ARHGEF19: variants seen among roughly 807,000 people sequenced by gnomAD.
ARHGEF19 encodes the protein Rho guanine nucleotide exchange factor (GEF) 19.
In ARHGEF19, 92 loss-of-function variants were observed where a neutral mutation model predicts 87.6. That is an observed-to-expected ratio of 1.05 (90% CI 0.89 to 1.25). The LOEUF is 1.25. ARHGEF19 is among the 50% of genes most tolerant of loss of function. The pLI is 0.00. For missense variants in ARHGEF19, 1,054 were observed against 1,051.8 expected (o/e 1.00, Z -0.03); for synonymous variants, 438 against 446.2 (o/e 0.98, Z 0.23).
Position 16,206,785 on chromosome 1 carries a change from G to A in ARHGEF19, c.1137+163C>T, listed in dbSNP as rs1267379967. Reference sequence around the variant, plus strand: ...CGGCTTGCTGTCCTCGCTTCCAGACGGCCTCGTGTAGTCAGGTCCTAGAGC... The same window carrying A: ...CGGCTTGCTGTCCTCGCTTCCAGACAGCCTCGTGTAGTCAGGTCCTAGAGC... On this transcript the variant is annotated intron_variant, in intron 6 of 15. Transcript: ENST00000270747. This position sits in a 1 kb window ranked among gnomAD's most constrained non-coding sequence, Gnocchi z 4.6. Among the ~76,000 whole-genome samples, 1 of 151,810 alleles carries A rather than the reference G, an allele frequency of 6.6e-6. No individual in the cohort carries two copies. The highest frequency in any genetic ancestry group is 2.4e-5 in the African/African-American group (1 of 41,286).
intron 14 of ARHGEF19, 69 bp from the exon 15 acceptor site, chr1:16,199,323 A>T: frequency 5.7e-5 from 66 of 1,161,702 alleles, no homozygotes; most frequent in Non-Finnish European, 7.6e-5. Context: ...TGGGTAGGGC[A>T]GGGAGGGGCA....
intron 1 of ARHGEF19, among the ~76,000 whole-genome samples, chr1:16,210,589 G>A (rs2081189716): frequency 1.3e-5 from 2 of 152,238 alleles, no homozygotes; most frequent in Admixed American, 1.3e-4. Flanking sequence ...CAGATCCTCA[G>A]AGACACAGAT....
At chr1:16,212,277 G>A (rs1441080131) in intron 1 of ARHGEF19, among the ~76,000 whole-genome samples, 3 of 152,160 alleles carry the variant, frequency 2.0e-5, no homozygotes, top group Non-Finnish European at 4.4e-5. Flanking sequence ...TTGCTGCCCA[G>A]GAGAGCTGGT....
At chr1:16,201,947 G>T (rs1240298279) in intron 13 of ARHGEF19, 86 bp from the exon 14 acceptor site, 9 of 1,404,334 alleles carry the variant, frequency 6.4e-6, no homozygotes, top group South Asian at 1.3e-5. Flanking sequence ...GGGGGAGCCA[G>T]ACATGATGTC....
In ARHGEF19 at chr1:16,208,782, G is replaced by A. The variant is rs745805045; in HGVS notation, c.273C>T (p.Ser91=). 105 of 1,613,312 alleles carry A rather than the reference G, an allele frequency of 6.5e-5. No homozygotes were observed. The highest frequency in any genetic ancestry group is 3.1e-4 in the South Asian group (28 of 91,050). ...CAGCCCTGCTGGGCCGCATCCCCCC[G>A]CTGGTGATCTCTGTATCTGAGCCTC... ...SPGGSDTEIT[S]GGMRPSRAGS... Residue 91 remains serine (S), a synonymous_variant, in exon 2 of 16, where the codon AGC becomes AGT. Transcript: ENST00000270747.
In ARHGEF19 at chr1:16,207,883, G is replaced by GGCCCCCCCCCCC; in HGVS notation, c.694+60_694+61insGGGGGGGGGGGC. ...CTCAGGCGGCCGGTGAGTGGGCATCGCCCACCCCCACCCCCACCCGGCATC... is the reference window on the plus strand; with the variant it reads ...CTCAGGCGGCCGGTGAGTGGGCATCGGCCCCCCCCCCCCCCACCCCCACCCCCACCCGGCATC... On this transcript the variant is annotated intron_variant, in intron 3 of 15. Coordinates refer to ENST00000270747, the MANE Select transcript of ARHGEF19 (RefSeq NM_153213.5). This position sits in a 1 kb window ranked among gnomAD's most constrained non-coding sequence, Gnocchi z 4.0. 1 of 1,476,432 alleles carries GGCCCCCCCCCCC rather than the reference G, an allele frequency of 6.8e-7. No individual in the cohort carries two copies. Among genetic ancestry groups the GGCCCCCCCCCCC allele is most frequent in the African/African-American group, 1.4e-5 (1 of 71,580 alleles). 91.5% of individuals were successfully genotyped at this position (1,476,432 alleles called of 1,614,324 possible). A position where few individuals can be genotyped will look rare whatever the true frequency, so the allele number is the denominator to read the frequency against.
Position 16,207,606 on chromosome 1 carries a change from A to G in ARHGEF19, c.798-8T>C. On this transcript the variant is annotated splice_region_variant and splice_polypyrimidine_tract_variant and intron_variant, in intron 4 of 15. Coordinates refer to ENST00000270747, the MANE Select transcript of ARHGEF19 (RefSeq NM_153213.5). The surrounding 1 kb of genome is among the most constrained non-coding windows in gnomAD (Gnocchi z 4.0). ...TCTTCCTGTGTGTCTAGCCTAGGAA[A>G]GAGAGAGCGTCACGGCCCTAGTTCG... 2.5e-6 allele frequency: 4 copies of G among 1,614,018 alleles called. No homozygotes were observed. Among genetic ancestry groups the G allele is most frequent in the Non-Finnish European group, 3.4e-6 (4 of 1,180,006 alleles).
At position 16,207,603 on chromosome 1, in the gene ARHGEF19, G is replaced by C. The variant is rs764497806; in HGVS notation, c.798-5C>G. On this transcript the variant is annotated splice_region_variant and splice_polypyrimidine_tract_variant and intron_variant, in intron 4 of 15. Transcript: ENST00000270747. This position sits in a 1 kb window ranked among gnomAD's most constrained non-coding sequence, Gnocchi z 4.0. The stretch of plus-strand genomic sequence containing the variant: ...GGCTCTTCCTGTGTGTCTAGCCTAG[G>C]AAAGAGAGAGCGTCACGGCCCTAGT... The C allele has an allele frequency of 2.5e-6, 4 of 1,613,914 alleles. No individual in the cohort carries two copies. Among genetic ancestry groups the C allele is most frequent in the South Asian group, 2.2e-5 (2 of 91,092 alleles).
At position 16,198,720 on chromosome 1, in the gene ARHGEF19, G is replaced by C; in HGVS notation, c.2276C>G (p.Ala759Gly). Residue 759 changes from alanine (A) to glycine (G), a missense_variant, in exon 16 of 16, where the codon GCA becomes GGA. By Grantham distance (60) the Ala-to-Gly change is moderately conservative. Transcript: ENST00000270747. The surrounding 1 kb of genome is among the most constrained non-coding windows in gnomAD (Gnocchi z 4.1). ...SDGWLEGVRL[A>G]DGEKGWVPQA... The stretch of plus-strand genomic sequence containing the variant: ...GGGCACCCACCCCTTCTCACCATCT[G>C]CCAGGCGGACCCCTTCCAGCCAGCC... 1.2e-6 allele frequency: 2 copies of C among 1,609,766 alleles called. No homozygotes were observed. Among genetic ancestry groups the C allele is most frequent in the South Asian group, 2.2e-5 (2 of 90,598 alleles).
In ARHGEF19 at chr1:16,206,134, C is replaced by A; in HGVS notation, c.1298+46G>T. ...ACCCCAGATCTGGGAGCTGGCCAAC[C>A]ACTGGCTCCGTCCCCACCCCGGGCC... On this transcript the variant is annotated intron_variant, in intron 7 of 15. Transcript: ENST00000270747. This position sits in a 1 kb window ranked among gnomAD's most constrained non-coding sequence, Gnocchi z 4.6. 1.3e-6 allele frequency: 2 copies of A among 1,578,718 alleles called. No homozygotes were observed.
chr1:16,198,527 C>T lies in ARHGEF19; in HGVS notation c.*60G>A, dbSNP rs768120826. On this transcript the variant is annotated 3_prime_UTR_variant, in exon 16 of 16. Coordinates refer to ENST00000270747, the MANE Select transcript of ARHGEF19 (RefSeq NM_153213.5). This position sits in a 1 kb window ranked among gnomAD's most constrained non-coding sequence, Gnocchi z 4.1. ...GCTTGGGGAATGGAGACACTGCAGGCCCCTCCAGGACCATCCAGGAGCCAG... is the reference window on the plus strand; with the variant it reads ...GCTTGGGGAATGGAGACACTGCAGGTCCCTCCAGGACCATCCAGGAGCCAG... The T allele has an allele frequency of 6.7e-7, 1 of 1,500,838 alleles. No individual in the cohort carries two copies. Among genetic ancestry groups the T allele is most frequent in the South Asian group, 1.4e-5 (1 of 72,432 alleles). 93.0% of individuals were successfully genotyped at this position (1,500,838 alleles called of 1,614,324 possible). A position where few individuals can be genotyped will look rare whatever the true frequency, so the allele number is the denominator to read the frequency against.
At position 16,206,503 on chromosome 1, in the gene ARHGEF19, C is replaced by A. The variant is rs376205549; in HGVS notation, c.1138-163G>T. ...GCGGGCCCGGCGACCCACGTCCCGC[C>A]GCGGGAAATTGTGCAAGCCTTTCCT... On this transcript the variant is annotated intron_variant, in intron 6 of 15. Coordinates refer to ENST00000270747, the MANE Select transcript of ARHGEF19 (RefSeq NM_153213.5). The surrounding 1 kb of genome is among the most constrained non-coding windows in gnomAD (Gnocchi z 4.6). The A allele has an allele frequency of 1.4e-6, 1 of 735,480 alleles. No homozygotes were observed. The highest frequency in any genetic ancestry group is 2.3e-6 in the Non-Finnish European group (1 of 441,438). 45.6% of individuals were successfully genotyped at this position (735,480 alleles called of 1,614,324 possible).
At chr1:16,210,288 G>A (rs892252232) in intron 1 of ARHGEF19, among the ~76,000 whole-genome samples, 13 of 152,274 alleles carry the variant, frequency 8.5e-5, no homozygotes, top group Non-Finnish European at 1.8e-4. Context: ...AGGGAGGGAG[G>A]GAGCAGGCAG....
Position 16,207,919 on chromosome 1 carries a change from C to A in ARHGEF19, c.694+25G>T. On this transcript the variant is annotated intron_variant, in intron 3 of 15. Coordinates refer to ENST00000270747, the MANE Select transcript of ARHGEF19 (RefSeq NM_153213.5). The surrounding 1 kb of genome is among the most constrained non-coding windows in gnomAD (Gnocchi z 4.0). ...CCCCCACCCGGCATCTGGCTGCCCT[C>A]AGGGCCCATGGGAGGAGCTGGTACC... is the stretch of plus-strand genomic sequence containing the variant. 6.3e-7 allele frequency: 1 copy of A among 1,587,536 alleles called. No individual in the cohort carries two copies. Among genetic ancestry groups the A allele is most frequent in the South Asian group, 1.1e-5 (1 of 89,966 alleles).
At chr1:16,208,355 C>T in intron 2 of ARHGEF19, 130 bp from the exon 3 acceptor site, 3 of 1,240,442 alleles carry the variant, frequency 2.4e-6, no homozygotes, top group Non-Finnish European at 2.2e-6. Flanking sequence ...TGTGTTTCTG[C>T]TAGCATCTGG....
In ARHGEF19 at chr1:16,208,080, C is replaced by T. The variant is rs747227739; in HGVS notation, c.558G>A (p.Val186=). 3 of 1,613,916 alleles carry T rather than the reference C, an allele frequency of 1.9e-6. No homozygotes were observed. Among genetic ancestry groups the T allele is most frequent in the African/African-American group, 2.7e-5 (2 of 74,940 alleles). ...PRVELSGSTR[V]SLEGPERRRF... is the part of the protein sequence containing the mutation. ...GCCTCCGCTCAGGACCTTCGAGGCT[C>T]ACTCGGGTGGACCCAGACAACTCCA... The change falls in exon 3 of 16, where the codon GTG becomes GTA. Residue 186 remains valine, a synonymous_variant. Transcript: ENST00000270747.
intron 1 of ARHGEF19, among the ~76,000 whole-genome samples, chr1:16,212,079 G>A (rs1321142854): frequency 1.3e-5 from 2 of 152,332 alleles, no homozygotes; most frequent in Admixed American, 6.5e-5. Flanking sequence ...CATCATAAAT[G>A]TCTCTGGGCC....
At chr1:16,201,557 T>A (rs2081083720) in intron 14 of ARHGEF19, among the ~76,000 whole-genome samples, 1 of 152,200 alleles carries the variant, frequency 6.6e-6, no homozygotes, top group Non-Finnish European at 1.5e-5. Context: ...AATGGGAGGC[T>A]ACGAAGGCTT....
In ARHGEF19 at chr1:16,208,047, C is replaced by T. The variant is rs1193931872; in HGVS notation, c.591G>A (p.Ser197=). Residue 197 remains serine (S), a synonymous_variant, in exon 3 of 16, where the codon TCG becomes TCA. Transcript: ENST00000270747. ...SLEGPERRRF[S]ASELMTRLHS... ...GCAGCCGGGTCATCAGCTCCGATGC[C>T]GAGAAGCGCCTCCGCTCAGGACCTT... 1 of 1,613,834 alleles carries T rather than the reference C, an allele frequency of 6.2e-7. No individual in the cohort carries two copies. The highest frequency in any genetic ancestry group is 1.7e-5 in the Admixed American group (1 of 60,028).
Sources: gnomAD v4.1 joint callset for allele counts (sites outside exome capture counted in the v4.1 genomes callset) on GRCh38, gnomAD v4.1.1 for gene constraint, Gnocchi (gnomAD v3.1) non-coding constraint, MANE v1.5 for transcripts, NCBI Gene and HGNC (gene_info 2026-07-23, HGNC 2026-07-21) for gene names.